Variants in CLEC12A observed in about 807,000 individuals in gnomAD.
CLEC12A encodes the protein C-type lectin domain family 12 member A.
In CLEC12A, 22 loss-of-function variants were observed where a neutral mutation model predicts 26.5. The observed-to-expected ratio is 0.83, with a 90% confidence interval of 0.59 to 1.19. The LOEUF (loss-of-function observed/expected upper bound fraction) is 1.19, where lower values mean the gene tolerates loss of function less well. Ranked by LOEUF, CLEC12A falls within the 50% of genes most tolerant of loss-of-function variation. CLEC12A has a pLI of 0.00. For synonymous variants in CLEC12A, 119 were observed against 101.9 expected, an observed-to-expected ratio of 1.17 and a Z score of -1.01; for missense variants, 353 against 315.6, an observed-to-expected ratio of 1.12 and a Z score of -0.90.
chr12:9,955,660 T>C (rs972311254), intron 1 of CLEC12A, among the ~76,000 whole-genome samples: 1 of 152,208 alleles, frequency 6.6e-6, no homozygotes, highest in Non-Finnish European at 1.5e-5. Context: ...GTAAAAACCT[T>C]AATTCCTTTA....
At chr12:9,969,200 G>A (rs2137129621), upstream of CLEC12A, among the ~76,000 whole-genome samples, 1 of 152,210 alleles carries the variant, frequency 6.6e-6, no homozygotes, top group South Asian at 2.1e-4. Flanking sequence ...AACTATAGTT[G>A]ACAATAATTT....
At chr12:9,995,309 A>G (rs1173433442) in exon 5 of CLEC12A, 1 of 1,380,358 alleles carries the variant, frequency 7.2e-7, no homozygotes, top group South Asian at 1.2e-5. Context: ...TATGATAGAC[A>G]AAGCTTCATG....
chr12:9,951,481 C>A (rs1173409439), intron 1 of CLEC12A: 3 of 688,590 alleles, frequency 4.4e-6, no homozygotes, highest in African/African-American at 1.8e-5. Flanking sequence ...CCTGACTGTT[C>A]CAGTTCAGAC....
downstream of CLEC12A, among the ~76,000 whole-genome samples, chr12:9,997,884 TAGAG>T (rs1452134126): frequency 2.0e-5 from 3 of 151,982 alleles, no homozygotes; most frequent in East Asian, 1.9e-4. Context: ...AAATTTTAGG[TAGAG>T]AGAATAGAAT....
At chr12:9,987,561 A>C (rs561709549), downstream of CLEC12A, among the ~76,000 whole-genome samples, 90 of 152,354 alleles carry the variant, frequency 5.9e-4, 4 homozygotes, top group South Asian at 8.9e-3. Context: ...ATGTTCAATT[A>C]ACATTTACTA....
intron 4 of CLEC12A, chr12:9,992,881 T>C (rs999950499): frequency 5.5e-6 from 2 of 361,832 alleles, no homozygotes; most frequent in Admixed American, 4.2e-5. Context: ...TCATACCATG[T>C]TCAGGTAATT....
At chr12:9,965,915 G>A (rs533185547) in intron 1 of CLEC12A, among the ~76,000 whole-genome samples, 1 of 152,062 alleles carries the variant, frequency 6.6e-6, no homozygotes, top group Admixed American at 6.6e-5. Context: ...ATACTTGTGG[G>A]TTAAGGTGGG....
At chr12:9,958,045 C>T (rs1034994978) in intron 1 of CLEC12A, among the ~76,000 whole-genome samples, 6 of 152,192 alleles carry the variant, frequency 3.9e-5, no homozygotes, top group African/African-American at 1.4e-4. Context: ...CAGAAAGTAC[C>T]TCTGAGATCT....
exon 5 of CLEC12A, chr12:9,995,333 CA>C: frequency 9.0e-7 from 1 of 1,113,210 alleles, no homozygotes. Flanking sequence ...AGACGTTGGA[CA>C]AAAAATGTTG....
intron 1 of CLEC12A, among the ~76,000 whole-genome samples, chr12:9,956,623 G>A (rs918982748): frequency 1.3e-5 from 2 of 152,164 alleles, no homozygotes; most frequent in African/African-American, 4.8e-5. Flanking sequence ...AAAAGTTCCA[G>A]CAAAGCCAAT....
At chr12:9,971,138 T>C (rs1224262119), upstream of CLEC12A, among the ~76,000 whole-genome samples, 3 of 152,114 alleles carry the variant, frequency 2.0e-5, no homozygotes, top group Non-Finnish European at 4.4e-5. Flanking sequence ...CAGCTGCAGA[T>C]TAGTGAGTGT....
At chr12:9,974,214 A>G (rs1216485485) in intron 1 of CLEC12A, among the ~76,000 whole-genome samples, 2 of 152,126 alleles carry the variant, frequency 1.3e-5, no homozygotes, top group Non-Finnish European at 2.9e-5. Flanking sequence ...TTCTTTGCAC[A>G]TCCCTCCTGA....
chr12:9,992,996 G>A (rs972014971), intron 4 of CLEC12A: 3 of 711,506 alleles, frequency 4.2e-6, no homozygotes, highest in Non-Finnish European at 7.0e-6. Flanking sequence ...AAGGGACTAG[G>A]TAATTCTGAT....
intron 1 of CLEC12A, among the ~76,000 whole-genome samples, chr12:9,972,018 T>C: frequency 6.6e-6 from 1 of 150,518 alleles, no homozygotes; most frequent in Non-Finnish European, 1.5e-5. Flanking sequence ...AAAAGAAACA[T>C]GTTCAGGAAA....
downstream of CLEC12A, chr12:9,998,952 A>T: frequency 1.3e-6 from 1 of 789,082 alleles, no homozygotes. Context: ...TAAACTATAT[A>T]TATTATCAAT....
chr12:9,980,869 C>A, intron 4 of CLEC12A, 136 bp downstream of exon 4: 1 of 837,988 alleles, frequency 1.2e-6, no homozygotes. Context: ...ACACTTATCT[C>A]AAGATATCAT....
Position 9,958,994 on chromosome 12 carries a change from G to A in CLEC12A, c.10+7638G>A, listed in dbSNP as rs74626463. Among the ~76,000 whole-genome samples the A allele has an allele frequency of 7.9e-3, 1,203 of 152,302 alleles. 13 individuals are homozygous for A. Among genetic ancestry groups the A allele is most frequent in the Middle Eastern group, 0.02 (6 of 294 alleles). On this transcript the variant is annotated intron_variant, in intron 1 of 6. Transcript: ENST00000355690. ...ATAACTTAGAAGGTAATAAGCTCTGGAAGACTTTGTAATTTTGAGTTGGTC... is the reference window on the plus strand; with the variant it reads ...ATAACTTAGAAGGTAATAAGCTCTGAAAGACTTTGTAATTTTGAGTTGGTC...
chr12:9,981,938 C>A, intron 4 of CLEC12A, 82 bp from the exon 5 acceptor site: 1 of 682,798 alleles, frequency 1.5e-6, no homozygotes, highest in Non-Finnish European at 2.5e-6. Flanking sequence ...CTTAAAACAG[C>A]AATTTGTAAG....
At chr12:9,999,328 A>G, downstream of CLEC12A, 1 of 385,266 alleles carries the variant, frequency 2.6e-6, no homozygotes, top group East Asian at 4.0e-5. Context: ...AAAAATAATA[A>G]TAACTTGTGG....
Sources: allele counts gnomAD v4.1 joint callset (sites outside exome capture counted in the v4.1 genomes callset), GRCh38; gene constraint gnomAD v4.1.1; transcripts MANE v1.5; gene names NCBI Gene and HGNC (gene_info 2026-07-23, HGNC 2026-07-21).